Variants in ASB18 observed in about 807,000 individuals in gnomAD.
The protein encoded by ASB18 is ankyrin repeat and SOCS box containing 18.
Under a neutral mutation model 33.4 loss-of-function variants are expected in ASB18, and 33 were observed. That is an observed-to-expected ratio of 0.99 (90% CI 0.75 to 1.32). The LOEUF (loss-of-function observed/expected upper bound fraction) is 1.32, where lower values mean the gene tolerates loss of function less well. Ranked by LOEUF, ASB18 falls within the 40% of genes most tolerant of loss-of-function variation. ASB18 has a pLI of 0.00. For missense variants in ASB18, 694 were observed against 655.5 expected, an observed-to-expected ratio of 1.06 and a Z score of -0.64; for synonymous variants, 295 against 307.6, an observed-to-expected ratio of 0.96 and a Z score of 0.43.
Position 236,214,970 on chromosome 2 carries a change from G to T in ASB18, c.597-104C>A. On this transcript the variant is annotated intron_variant, in intron 3 of 5. Coordinates refer to ENST00000409749, the MANE Select transcript of ASB18 (RefSeq NM_212556.4). The surrounding 1 kb of genome is among the most constrained non-coding windows in gnomAD (Gnocchi z 6.5). ...ATATCAAGTGACCTCTGAATGAAAA[G>T]ACATGCTCCGCTCTCCCATACCAAG... 2.5e-6 allele frequency: 2 copies of T among 807,088 alleles called. No individual in the cohort carries two copies. Among genetic ancestry groups the T allele is most frequent in the Non-Finnish European group, 1.6e-6 (1 of 641,960 alleles). The allele number at this position is 807,088 out of a possible 1,614,324, so 50.0% of individuals were successfully genotyped here. A position where few individuals can be genotyped will look rare whatever the true frequency, so the allele number is the denominator to read the frequency against.
chr2:236,194,831 CAGCG>C lies in ASB18; in HGVS notation c.*37_*40del, dbSNP rs1362496697. 1 of 1,556,810 alleles carries C rather than the reference CAGCG, an allele frequency of 6.4e-7. No individual in the cohort carries two copies. Among genetic ancestry groups the C allele is most frequent in the East Asian group, 2.3e-5 (1 of 43,800 alleles). On this transcript the variant is annotated 3_prime_UTR_variant, in exon 6 of 6. Coordinates refer to ENST00000409749, the MANE Select transcript of ASB18 (RefSeq NM_212556.4). The surrounding 1 kb of genome is among the most constrained non-coding windows in gnomAD (Gnocchi z 4.5). Reference sequence around the variant, plus strand: ...CCAACACACGGCCTCCATGGAAGGTCAGCGAGGAGAACAACAGTATTGGTTGCAG... The same window carrying C: ...CCAACACACGGCCTCCATGGAAGGTCAGGAGAACAACAGTATTGGTTGCAG...
Position 236,237,360 on chromosome 2 carries a change from G to A in ASB18, c.596+329C>T, listed in dbSNP as rs2060597756. On this transcript the variant is annotated intron_variant, in intron 3 of 5. Coordinates refer to ENST00000409749, the MANE Select transcript of ASB18 (RefSeq NM_212556.4). This position sits in a 1 kb window ranked among gnomAD's most constrained non-coding sequence, Gnocchi z 6.2. ...GCGGGGGCCGGGGCCGGGGCGCGGG[G>A]CGGGGGCCGGGGCCGGGGCGCGGGG... Among the ~76,000 whole-genome samples the A allele has an allele frequency of 1.2e-5, 1 of 82,036 alleles. No homozygotes were observed. Among genetic ancestry groups the A allele is most frequent in the South Asian group, 3.9e-4 (1 of 2,552 alleles). 53.8% of individuals were successfully genotyped at this position (82,036 alleles called of 152,430 possible).
chr2:236,242,558 G>A (rs2060625808), intron 1 of ASB18, among the ~76,000 whole-genome samples: 1 of 152,144 alleles, frequency 6.6e-6, no homozygotes, highest in South Asian at 2.1e-4. Context: ...GGGTTCAAGT[G>A]ATTCTCCTAC....
Position 236,238,957 on chromosome 2 carries a change from G to A in ASB18, c.329-1001C>T, listed in dbSNP as rs1473228121. Among the ~76,000 whole-genome samples, 3 of 152,146 alleles carry A rather than the reference G, an allele frequency of 2.0e-5. No homozygotes were observed. Among genetic ancestry groups the A allele is most frequent in the Non-Finnish European group, 4.4e-5 (3 of 68,020 alleles). On this transcript the variant is annotated intron_variant, in intron 2 of 5. Coordinates refer to ENST00000409749, the MANE Select transcript of ASB18 (RefSeq NM_212556.4). The surrounding 1 kb of genome is among the most constrained non-coding windows in gnomAD (Gnocchi z 5.2). Reference sequence around the variant, plus strand: ...ATTACCTACCCGCATGTGGTGCCGAGTTCCAGCCGCCCTGAGTCCCCAAGG... The same window carrying A: ...ATTACCTACCCGCATGTGGTGCCGAATTCCAGCCGCCCTGAGTCCCCAAGG...
Position 236,234,511 on chromosome 2 carries a change from T to A in ASB18, c.596+3178A>T, listed in dbSNP as rs1424894534. On this transcript the variant is annotated intron_variant, in intron 3 of 5. Coordinates refer to ENST00000409749, the MANE Select transcript of ASB18 (RefSeq NM_212556.4). The surrounding 1 kb of genome is among the most constrained non-coding windows in gnomAD (Gnocchi z 4.1). ...CACCACTGGCTACTCTTCCTTTCAC[T>A]CTTTATATAATAGAGTGGCTCCTCA... 1.3e-5 allele frequency among the ~76,000 whole-genome samples: 2 copies of A among 152,224 alleles called. No individual in the cohort carries two copies. The highest frequency in any genetic ancestry group is 2.9e-5 in the Non-Finnish European group (2 of 68,050).
rs1157601326 is a variant in ASB18 at position 236,219,733 on chromosome 2, C to T, written c.597-4867G>A. Among the ~76,000 whole-genome samples, 1 of 152,110 alleles carries T rather than the reference C, an allele frequency of 6.6e-6. No individual in the cohort carries two copies. The highest frequency in any genetic ancestry group is 2.4e-5 in the African/African-American group (1 of 41,424). Reference sequence around the variant, plus strand: ...CTCAGTAGGGAAAGCATCCCTGAAGCCTTTGCAGGTCTATGTCTGGGACCC... The same window carrying T: ...CTCAGTAGGGAAAGCATCCCTGAAGTCTTTGCAGGTCTATGTCTGGGACCC... On this transcript the variant is annotated intron_variant, in intron 3 of 5. Transcript: ENST00000409749. This position sits in a 1 kb window ranked among gnomAD's most constrained non-coding sequence, Gnocchi z 6.4.
rs1047675748 is a variant in ASB18 at position 236,255,392 on chromosome 2, C to G, written c.205+8749G>C. ...CTCCTGACCTCAGGTGATCTGCCCC[C>G]CTCGGCCTATCAAAGTGCTGGGATT... On this transcript the variant is annotated intron_variant, in intron 1 of 5. Coordinates refer to ENST00000409749, the MANE Select transcript of ASB18 (RefSeq NM_212556.4). This position sits in a 1 kb window ranked among gnomAD's most constrained non-coding sequence, Gnocchi z 4.4. Among the ~76,000 whole-genome samples, 1 of 152,178 alleles carries G rather than the reference C, an allele frequency of 6.6e-6. No individual in the cohort carries two copies.
In ASB18 at chr2:236,256,834, C is replaced by T. The variant is rs1024740604; in HGVS notation, c.205+7307G>A. ...TGCCTTTGAAGCCGGACCATTAGCT[C>T]TAAGGCATGCATCTCATCTCATCAC... On this transcript the variant is annotated intron_variant, in intron 1 of 5. Coordinates refer to ENST00000409749, the MANE Select transcript of ASB18 (RefSeq NM_212556.4). This position sits in a 1 kb window ranked among gnomAD's most constrained non-coding sequence, Gnocchi z 4.7. Among the ~76,000 whole-genome samples, 1 of 151,954 alleles carries T rather than the reference C, an allele frequency of 6.6e-6. No individual in the cohort carries two copies. The highest frequency in any genetic ancestry group is 6.6e-5 in the Admixed American group (1 of 15,254).
chr2:236,196,821 A>G lies in ASB18; in HGVS notation c.1102-436T>C, dbSNP rs905345024. 5.3e-5 allele frequency among the ~76,000 whole-genome samples: 8 copies of G among 152,180 alleles called. No homozygotes were observed. The highest frequency in any genetic ancestry group is 1.9e-4 in the African/African-American group (8 of 41,462). ...TTTCAGATGTGTCAGGAAATTGAGA[A>G]TTGGGGAAGAGGAATTGTTTTGCTG... On this transcript the variant is annotated intron_variant, in intron 4 of 5. Transcript: ENST00000409749. The surrounding 1 kb of genome is among the most constrained non-coding windows in gnomAD (Gnocchi z 5.6).
In ASB18 at chr2:236,250,437, A is replaced by G. The variant is rs2060663587; in HGVS notation, c.206-9035T>C. Reference sequence around the variant, plus strand: ...GTCTGGCTTCCTTCTGGAAGTGTCCAAGTGGACAGACAGGGGCAGGAAGTC... The same window carrying G: ...GTCTGGCTTCCTTCTGGAAGTGTCCGAGTGGACAGACAGGGGCAGGAAGTC... On this transcript the variant is annotated intron_variant, in intron 1 of 5. Transcript: ENST00000409749. The surrounding 1 kb of genome is among the most constrained non-coding windows in gnomAD (Gnocchi z 4.1). 1 of 152,280 alleles carries G rather than the reference A, an allele frequency of 6.6e-6. No individual in the cohort carries two copies. The highest frequency in any genetic ancestry group is 1.5e-5 in the Non-Finnish European group (1 of 68,060). 9.4% of individuals were successfully genotyped at this position (152,280 alleles called of 1,614,324 possible).
intron 2 of ASB18, among the ~76,000 whole-genome samples, chr2:236,240,836 T>C (rs2060618086): frequency 6.6e-6 from 1 of 152,246 alleles, no homozygotes; most frequent in South Asian, 2.1e-4. Flanking sequence ...GTCCTGCCTC[T>C]ACTGATGCTG....
intron 3 of ASB18, among the ~76,000 whole-genome samples, chr2:236,236,564 T>A (rs776272773): frequency 6.6e-6 from 1 of 152,172 alleles, no homozygotes; most frequent in Non-Finnish European, 1.5e-5. Flanking sequence ...TAAAGAGCAT[T>A]GCTAGAACCT....
intron 4 of ASB18, among the ~76,000 whole-genome samples, chr2:236,197,608 G>A (rs2060380242): frequency 6.6e-6 from 1 of 152,120 alleles, no homozygotes; most frequent in Admixed American, 6.5e-5. Flanking sequence ...GATCACCTGA[G>A]GTTGGGAGTT....
chr2:236,219,651 C>T lies in ASB18; in HGVS notation c.597-4785G>A, dbSNP rs1028366788. ...GAAATGGCCCAGTGGGGAAAGCTTA[C>T]TGTTTGTCATTTCATTGCCTTCTCT... On this transcript the variant is annotated intron_variant, in intron 3 of 5. Coordinates refer to ENST00000409749, the MANE Select transcript of ASB18 (RefSeq NM_212556.4). This position sits in a 1 kb window ranked among gnomAD's most constrained non-coding sequence, Gnocchi z 6.4. Among the ~76,000 whole-genome samples the T allele has an allele frequency of 2.0e-5, 3 of 152,174 alleles. No homozygotes were observed. Among genetic ancestry groups the T allele is most frequent in the African/African-American group, 7.2e-5 (3 of 41,442 alleles).
At chr2:236,247,463 CAG>C (rs1248514574) in intron 1 of ASB18, 1 of 152,190 alleles carries the variant, frequency 6.6e-6, no homozygotes, top group Non-Finnish European at 1.5e-5. Context: ...CTCCAGAAGA[CAG>C]AAGTTCTTTA....
chr2:236,205,463 C>T lies in ASB18; in HGVS notation c.1101+8899G>A, dbSNP rs149827788. ...ACCCTAACTGCCTGACTTAAAATTGCAACTGCCTTCCACCCTTTTAATTTC... is the reference window on the plus strand; with the variant it reads ...ACCCTAACTGCCTGACTTAAAATTGTAACTGCCTTCCACCCTTTTAATTTC... On this transcript the variant is annotated intron_variant, in intron 4 of 5. Transcript: ENST00000409749. This position sits in a 1 kb window ranked among gnomAD's most constrained non-coding sequence, Gnocchi z 5.4. 9.2e-5 allele frequency among the ~76,000 whole-genome samples: 14 copies of T among 152,342 alleles called. No homozygotes were observed. The East Asian group carries it at 2.7e-3, about 29-fold the overall frequency.
chr2:236,237,614 G>C lies in ASB18; in HGVS notation c.596+75C>G. On this transcript the variant is annotated intron_variant, in intron 3 of 5. Transcript: ENST00000409749. This position sits in a 1 kb window ranked among gnomAD's most constrained non-coding sequence, Gnocchi z 6.2. Reference sequence around the variant, plus strand: ...TGGGACGGAGGCGGAGGCGGGGTCGGCGGTCTCGTGGGGGGAGGCGGGCGT... The same window carrying C: ...TGGGACGGAGGCGGAGGCGGGGTCGCCGGTCTCGTGGGGGGAGGCGGGCGT... The C allele has an allele frequency of 8.2e-7, 1 of 1,223,030 alleles. No homozygotes were observed. The highest frequency in any genetic ancestry group is 1.0e-6 in the Non-Finnish European group (1 of 952,792). The allele number at this position is 1,223,030 out of a possible 1,614,324, so 75.8% of individuals were successfully genotyped here.
rs188231046 is a variant in ASB18, at chr2:236,224,116, T to C, written c.597-9250A>G. Among the ~76,000 whole-genome samples the C allele has an allele frequency of 2.8e-3, 421 of 152,110 alleles. 1 individual carries two copies. The highest frequency in any genetic ancestry group is 4.7e-3 in the Non-Finnish European group (317 of 68,008). On this transcript the variant is annotated intron_variant, in intron 3 of 5. Coordinates refer to ENST00000409749, the MANE Select transcript of ASB18 (RefSeq NM_212556.4). ...GCCAGTTTTCCAAAGAGATATCATT[T>C]TACCCACCCAAAACTATGTATGAAA...
intron 1 of ASB18, chr2:236,247,918 G>C (rs2060651977): frequency 6.6e-6 from 1 of 152,188 alleles, no homozygotes; most frequent in African/African-American, 2.4e-5. Context: ...GAAAAAGATT[G>C]TTTGGGAGTA....
Sources: gnomAD v4.1 joint callset for allele counts (sites outside exome capture counted in the v4.1 genomes callset) on GRCh38, gnomAD v4.1.1 for gene constraint, Gnocchi (gnomAD v3.1) non-coding constraint, MANE v1.5 for transcripts, NCBI Gene and HGNC (gene_info 2026-07-23, HGNC 2026-07-21) for gene names.